DSG2: variants seen among roughly 807,000 people sequenced by gnomAD.
DSG2 encodes desmoglein 2.
DSG2 carries 45 observed loss-of-function variants against 75.6 expected under a neutral mutation model. The observed-to-expected ratio is 0.60, with a 90% CI of 0.47 to 0.76. DSG2 has a LOEUF of 0.76. Ranked by LOEUF, DSG2 falls within the 30% of genes least tolerant of loss-of-function variation. DSG2 has a pLI of 0.00. For synonymous variants in DSG2, 429 were observed against 483.9 expected, an observed-to-expected ratio of 0.89 and a Z score of 1.49; for missense variants, 1,267 against 1,357.4, an observed-to-expected ratio of 0.93 and a Z score of 1.05.
intron 1 of DSG2, among the ~76,000 whole-genome samples, chr18:31,501,230 T>C (rs537433908): frequency 6.6e-6 from 1 of 152,268 alleles, no homozygotes; most frequent in South Asian, 2.1e-4. Flanking sequence ...TGAGAAGGGG[T>C]TCATAGGCCT....
chr18:31,522,016 A>G, intron 5 of DSG2, 67 bp from the exon 6 acceptor site: 2 of 1,471,858 alleles, frequency 1.4e-6, no homozygotes, highest in Non-Finnish European at 1.9e-6. Context: ...TAAAATTATA[A>G]ATAAAATAAC....
At chr18:31,517,892 A>G (rs964599863) in intron 1 of DSG2, among the ~76,000 whole-genome samples, 2 of 152,138 alleles carry the variant, frequency 1.3e-5, no homozygotes, top group African/African-American at 4.8e-5. Context: ...GGTGGCCTCG[A>G]GGAAAAGTAA....
At position 31,538,746 on chromosome 18, in the gene DSG2, T is replaced by A. The variant is rs750711733; in HGVS notation, c.1652-5T>A. On this transcript the variant is annotated splice_region_variant and splice_polypyrimidine_tract_variant and intron_variant, in intron 11 of 14. Transcript: ENST00000261590. ...TTTATTTCCTTCTGCCTCCCAACCT[T>A]GTAGGTACCAGTGTGCTGCTGCAAC... The A allele has an allele frequency of 1.9e-6, 3 of 1,613,492 alleles. No individual in the cohort carries two copies. Among genetic ancestry groups the A allele is most frequent in the Non-Finnish European group, 2.5e-6 (3 of 1,179,522 alleles).
In DSG2 at chr18:31,546,359, A is replaced by C. The variant is rs554061636; in HGVS notation, c.2973A>C (p.Val991=). 9.9e-6 allele frequency: 16 copies of C among 1,613,830 alleles called. No homozygotes were observed. In the South Asian group the frequency reaches 1.8e-4, roughly 18 times the overall value. ...GTACAGTTGTGGTCACTGAAAGAGT[A>C]ATACAGCCTCATGGGGGTGGATCGA... ...NEGTVVVTER[V]IQPHGGGSNP... is the part of the protein sequence containing the mutation. The change falls in exon 15 of 15, where the codon GTA becomes GTC. Residue 991 remains valine, a synonymous_variant. Coordinates refer to ENST00000261590, the MANE Select transcript of DSG2 (RefSeq NM_001943.5).
chr18:31,538,707 G>A, intron 11 of DSG2, 44 bp from the exon 12 acceptor site: 1 of 1,484,050 alleles, frequency 6.7e-7, no homozygotes, highest in South Asian at 1.1e-5. Flanking sequence ...CCTCATCCTT[G>A]GTAATCGTTC....
intron 1 of DSG2, among the ~76,000 whole-genome samples, 200 bp from the exon 2 acceptor site, chr18:31,518,039 G>A (rs1405357417): frequency 6.6e-6 from 1 of 152,150 alleles, no homozygotes; most frequent in African/African-American, 2.4e-5. Flanking sequence ...ATGGATCCAG[G>A]AGAATATAGA....
At chr18:31,537,618 CA>C (rs34481723) in intron 11 of DSG2, among the ~76,000 whole-genome samples, 6 of 143,736 alleles carry the variant, frequency 4.2e-5, no homozygotes, top group South Asian at 2.2e-4. Flanking sequence ...GACTCTGTCT[CA>C]AAAAAAAAAC....
chr18:31,539,084 A>G (rs2144347243), intron 12 of DSG2, 106 bp downstream of exon 12: 1 of 1,075,146 alleles, frequency 9.3e-7, no homozygotes, highest in South Asian at 1.3e-5. Flanking sequence ...TTCTTTAACC[A>G]CACTAGAGCA....
rs1598819592 is a variant in DSG2, at chr18:31,536,217, C to T, written c.1439C>T (p.Thr480Ile). 5.0e-6 allele frequency: 8 copies of T among 1,613,942 alleles called. No individual in the cohort carries two copies. Among genetic ancestry groups the T allele is most frequent in the Non-Finnish European group, 6.8e-6 (8 of 1,179,986 alleles). ...TATTTTTAAGATTATCCTAGAAAAA[C>T]CATCACTGGCACAGTCCTTATCAAT... ...VAISEDYPRK[T>I]ITGTVLINVE... The change falls in exon 11 of 15, where the codon ACC becomes ATC. Residue 480 changes from threonine to isoleucine, a missense_variant. By Grantham distance (89) the Thr-to-Ile change is moderately conservative (BLOSUM62 -1). Coordinates refer to ENST00000261590, the MANE Select transcript of DSG2 (RefSeq NM_001943.5).
chr18:31,531,676 T>C (rs2073199749), intron 9 of DSG2, among the ~76,000 whole-genome samples: 1 of 152,268 alleles, frequency 6.6e-6, no homozygotes, highest in Admixed American at 6.5e-5. Context: ...CCAGCTTTAC[T>C]TAACGCATAT....
intron 13 of DSG2, 57 bp from the exon 14 acceptor site, chr18:31,542,463 G>A: frequency 1.9e-6 from 3 of 1,589,654 alleles, no homozygotes; most frequent in Non-Finnish European, 2.6e-6. Context: ...TTCTACCAAG[G>A]ATGAAGGATT....
chr18:31,501,265 TGG>T (rs1021236044), intron 1 of DSG2, among the ~76,000 whole-genome samples: 1 of 152,160 alleles, frequency 6.6e-6, no homozygotes. Flanking sequence ...GGAGGGCTCG[TGG>T]GTGAGAGATT....
At chr18:31,498,448 A>T (rs570051340) in intron 1 of DSG2, 152 bp downstream of exon 1, 8 of 894,338 alleles carry the variant, frequency 8.9e-6, no homozygotes, top group African/African-American at 1.7e-5. Context: ...AGGGCCGGGC[A>T]GGCTGCGGCG....
intron 1 of DSG2, among the ~76,000 whole-genome samples, chr18:31,516,315 G>C (rs933739620): frequency 6.6e-6 from 1 of 152,186 alleles, no homozygotes; most frequent in Admixed American, 6.5e-5. Flanking sequence ...ACAAACGATG[G>C]TTTGCCTTGG....
intron 1 of DSG2, among the ~76,000 whole-genome samples, chr18:31,501,246 G>A (rs2073012044): frequency 6.6e-6 from 1 of 152,206 alleles, no homozygotes; most frequent in Non-Finnish European, 1.5e-5. Flanking sequence ...GGCCTCGCCA[G>A]ATTGCCAAGG....
At chr18:31,531,289 A>G in intron 9 of DSG2, 37 bp downstream of exon 9, 3 of 1,611,468 alleles carry the variant, frequency 1.9e-6, no homozygotes, top group Non-Finnish European at 2.5e-6. Context: ...TTTATTTTAA[A>G]TTATTTTCAG....
chr18:31,545,926 T>C lies in DSG2; in HGVS notation c.2540T>C (p.Ile847Thr). Residue 847 changes from isoleucine to threonine, a missense_variant, in exon 15 of 15, where the codon ATA (isoleucine) becomes ACA (threonine). Transcript: ENST00000261590. ...GTTTGCCTGGGTCAAAAAATAGATA[T>C]AAATAAGGAAATTGAGCAGAGACAA... ...AEVCLGQKID[I>T]NKEIEQRQKP... 1.2e-6 allele frequency: 2 copies of C among 1,614,030 alleles called. No homozygotes were observed. The highest frequency in any genetic ancestry group is 1.3e-5 in the African/African-American group (1 of 75,022).
intron 6 of DSG2, 105 bp from the exon 7 acceptor site, chr18:31,524,343 G>A: frequency 6.9e-7 from 1 of 1,459,008 alleles, no homozygotes; most frequent in Non-Finnish European, 9.5e-7. Flanking sequence ...AAACAGATTT[G>A]TAAATAAAAT....
intron 8 of DSG2, among the ~76,000 whole-genome samples, chr18:31,528,212 A>G (rs2073173967): frequency 6.6e-6 from 1 of 152,224 alleles, no homozygotes; most frequent in African/African-American, 2.4e-5. Context: ...CCCAAGAAAA[A>G]TAAAAACAGG....
Sources: allele counts gnomAD v4.1 joint callset (sites outside exome capture counted in the v4.1 genomes callset), GRCh38; gene constraint gnomAD v4.1.1; transcripts MANE v1.5; gene names NCBI Gene and HGNC (gene_info 2026-07-23, HGNC 2026-07-21).